SORBS3: variants seen among roughly 807,000 people sequenced by gnomAD.
SORBS3 encodes sorbin and SH3 domain containing 3.
A neutral mutation model predicts 98.0 loss-of-function variants in SORBS3; 69 were observed. The observed-to-expected ratio is 0.70, with a 90% CI of 0.58 to 0.86. The LOEUF (loss-of-function observed/expected upper bound fraction) is 0.86, where lower values mean the gene tolerates loss of function less well. SORBS3 is among the 40% of genes least tolerant of loss of function. SORBS3 has a pLI of 0.00. For synonymous variants in SORBS3, 394 were observed against 355.4 expected, an observed-to-expected ratio of 1.11 and a Z score of -1.22; for missense variants, 954 against 908.5, an observed-to-expected ratio of 1.05 and a Z score of -0.64.
At chr8:22,563,856 G>A in intron 7 of SORBS3, 131 bp from the exon 8 acceptor site, 1 of 686,726 alleles carries the variant, frequency 1.5e-6, no homozygotes, top group Non-Finnish European at 2.6e-6. Flanking sequence ...TGCTTCCAGA[G>A]TAACGGCAGG....
Position 22,561,412 on chromosome 8 carries a change from C to T in SORBS3, c.517+39C>T, listed in dbSNP as rs60534027. 7.5e-4 allele frequency: 1,211 copies of T among 1,609,994 alleles called. 10 individuals carry two copies. In the African/African-American group the frequency reaches 0.014, roughly 19 times the overall value. The stretch of plus-strand genomic sequence containing the variant: ...GGCCCACCTGCCTGCCATAGCCCTG[C>T]GCCTGCGTCCGCCCCTCCCTGGGGC... On this transcript the variant is annotated intron_variant, in intron 6 of 20. Transcript: ENST00000240123.
Position 22,564,907 on chromosome 8 carries a change from C to A in SORBS3, c.817-361C>A, listed in dbSNP as rs188708435. ...TCCGGTCCCTGGGGTGGCGGGGGAA[C>A]CTGGATGGGCACAGTGAAGCCAGGC... On this transcript the variant is annotated intron_variant, in intron 10 of 20. Transcript: ENST00000240123. The A allele has an allele frequency of 1.0e-5, 13 of 1,278,666 alleles. No individual in the cohort carries two copies. In the East Asian group the frequency reaches 2.3e-4, roughly 22 times the overall value. The allele number at this position is 1,278,666 out of a possible 1,614,324, so 79.2% of individuals were successfully genotyped here. A position where few individuals can be genotyped will look rare whatever the true frequency, so the allele number is the denominator to read the frequency against.
chr8:22,556,860 G>A lies in SORBS3; in HGVS notation c.366G>A (p.Glu122=), dbSNP rs765171927. The A allele has an allele frequency of 9.3e-6, 15 of 1,613,384 alleles. No homozygotes were observed. The African/African-American group carries it at 1.6e-4, about 17-fold the overall frequency. ...KRRDKRWVKY[E]GIGPVDESGM... is the part of the protein sequence containing the mutation. Reference sequence around the variant, plus strand: ...GGGACAAGCGCTGGGTCAAGTACGAGGGAATCGGGCCCGTGGACGAGAGCG... The same window carrying A: ...GGGACAAGCGCTGGGTCAAGTACGAAGGAATCGGGCCCGTGGACGAGAGCG... Residue 122 remains glutamate, a synonymous_variant, in exon 4 of 21, where the codon GAG becomes GAA. Coordinates refer to ENST00000240123, the MANE Select transcript of SORBS3 (RefSeq NM_005775.5).
At chr8:22,563,861 G>A (rs1840346765) in intron 7 of SORBS3, 126 bp from the exon 8 acceptor site, 1 of 702,238 alleles carries the variant, frequency 1.4e-6, no homozygotes, top group Non-Finnish European at 2.5e-6. Context: ...CCAGAGTAAC[G>A]GCAGGGCAGT....
intron 18 of SORBS3, 104 bp from the exon 19 acceptor site, chr8:22,571,606 AGGCGTGCT>A: frequency 1.3e-6 from 1 of 753,696 alleles, no homozygotes. Context: ...GCCGTTTGTA[AGGCGTGCT>A]GGCAGGTGGA....
intron 1 of SORBS3, 149 bp downstream of exon 1, chr8:22,552,171 C>G (rs1366334042): frequency 7.0e-6 from 5 of 714,922 alleles, no homozygotes; most frequent in Non-Finnish European, 8.6e-6. Context: ...CCAGAAAAAG[C>G]GAAATTCAAG....
chr8:22,564,705 T>G, intron 10 of SORBS3, 184 bp downstream of exon 10: 7 of 1,385,690 alleles, frequency 5.1e-6, no homozygotes, highest in African/African-American at 1.5e-5. Flanking sequence ...TCAGTAAACA[T>G]GTGTTAAATA....
rs778154392 is a variant in SORBS3 at position 22,566,496 on chromosome 8, G to C, written c.1090+12G>C. 166 of 1,611,624 alleles carry C rather than the reference G, an allele frequency of 1.0e-4. No homozygotes were observed. The highest frequency in any genetic ancestry group is 1.4e-4 in the Non-Finnish European group (164 of 1,178,676). The stretch of plus-strand genomic sequence containing the variant: ...TTCCTCAACCCGAGGTAAGGACCCA[G>C]CCCTGCTCTCTTTCTCACGGAGATG... On this transcript the variant is annotated intron_variant, in intron 13 of 20. Transcript: ENST00000240123.
chr8:22,565,785 C>T, intron 11 of SORBS3, 41 bp from the exon 12 acceptor site: 3 of 1,318,254 alleles, frequency 2.3e-6, no homozygotes, highest in East Asian at 3.2e-5. Flanking sequence ...GCCGCTGGGT[C>T]CCGGGGTCGC....
At chr8:22,567,385 G>A (rs1840454239) in intron 16 of SORBS3, among the ~76,000 whole-genome samples, 2 of 152,226 alleles carry the variant, frequency 1.3e-5, no homozygotes, top group African/African-American at 2.4e-5. Context: ...CCTAGCCCAG[G>A]GGAGGACCCA....
At position 22,554,597 on chromosome 8, in the gene SORBS3, C is replaced by T. The variant is rs750961338; in HGVS notation, c.91C>T (p.Arg31Trp). The part of the protein sequence containing the change: ...HLQSHIGSSS[R>W]GTRVPVIRNG... ...CCAGTCCCACATAGGGTCTTCCTCC[C>T]GGGGGACACGGGTGAGTGAGTCAGT... The change falls in exon 2 of 21, where the codon CGG becomes TGG. Residue 31 changes from arginine to tryptophan, a missense_variant. Coordinates refer to ENST00000240123, the MANE Select transcript of SORBS3 (RefSeq NM_005775.5). This position sits in a 1 kb window ranked among gnomAD's most constrained non-coding sequence, Gnocchi z 6.5. 2.0e-5 allele frequency: 32 copies of T among 1,611,968 alleles called. No individual in the cohort carries two copies. In the Admixed American group the frequency reaches 2.7e-4, roughly 13 times the overall value.
upstream of SORBS3, among the ~76,000 whole-genome samples, chr8:22,551,209 C>T (rs1413732618): frequency 6.6e-6 from 1 of 152,238 alleles, no homozygotes; most frequent in Non-Finnish European, 1.5e-5. The surrounding 1 kb of genome is among the most constrained non-coding windows in gnomAD (Gnocchi z 5.8). Flanking sequence ...CCTCCCTGTG[C>T]TTGCACGTGT....
At chr8:22,566,011 G>A (rs1840407386) in intron 12 of SORBS3, 139 bp downstream of exon 12, 1 of 622,522 alleles carries the variant, frequency 1.6e-6, no homozygotes. Flanking sequence ...GTGTCCGGGA[G>A]GGACCGCAGC....
chr8:22,552,564 G>A (rs1217463125), intron 1 of SORBS3, among the ~76,000 whole-genome samples: 2 of 152,134 alleles, frequency 1.3e-5, no homozygotes, highest in Non-Finnish European at 2.9e-5. Context: ...GCAGATGGGG[G>A]CACCAAGGGT....
intron 6 of SORBS3, 71 bp from the exon 7 acceptor site, chr8:22,561,794 G>A: frequency 7.4e-7 from 1 of 1,354,374 alleles, no homozygotes; most frequent in Non-Finnish European, 1.1e-6. Context: ...TAATCACCCA[G>A]GCACCCTCAG....
In SORBS3 at chr8:22,565,248, C is replaced by T. The variant is rs1014268086; in HGVS notation, c.817-20C>T. The T allele has an allele frequency of 6.5e-7, 1 of 1,547,576 alleles. No homozygotes were observed. The highest frequency in any genetic ancestry group is 8.7e-7 in the Non-Finnish European group (1 of 1,144,482). ...CCACGGTGCGCTGCCCCTCACTGCC[C>T]AGCCTCTCCCCGCCCCCAGGTGCTG... On this transcript the variant is annotated intron_variant, in intron 10 of 20. Transcript: ENST00000240123.
chr8:22,557,476 G>C (rs148600566), intron 4 of SORBS3, among the ~76,000 whole-genome samples: 23 of 152,216 alleles, frequency 1.5e-4, no homozygotes, highest in Admixed American at 1.2e-3. Flanking sequence ...GATGAAGCAG[G>C]TGATGTGAAA....
Position 22,574,853 on chromosome 8 carries a change from A to AC in SORBS3, c.*130dup. The AC allele has an allele frequency of 1.1e-6, 1 of 932,288 alleles. No individual in the cohort carries two copies. The highest frequency in any genetic ancestry group is 1.7e-6 in the Non-Finnish European group (1 of 575,162). 57.8% of individuals were successfully genotyped at this position (932,288 alleles called of 1,614,324 possible). A position where few individuals can be genotyped will look rare whatever the true frequency, so the allele number is the denominator to read the frequency against. ...CCTGAGCTCCCAGCATCTGCAGACG[A>AC]CCCCCGCAGCCTTTCCCTCGGACCC... On this transcript the variant is annotated 3_prime_UTR_variant, in exon 21 of 21. Transcript: ENST00000240123.
intron 10 of SORBS3, 83 bp from the exon 11 acceptor site, chr8:22,565,185 G>A: frequency 6.7e-7 from 1 of 1,491,574 alleles, no homozygotes; most frequent in Non-Finnish European, 9.1e-7. Flanking sequence ...CGCTGGCCTT[G>A]CTTTTCACAG....
Sources: gnomAD v4.1 joint callset for allele counts (sites outside exome capture counted in the v4.1 genomes callset) on GRCh38, gnomAD v4.1.1 for gene constraint, Gnocchi (gnomAD v3.1) non-coding constraint, MANE v1.5 for transcripts, NCBI Gene and HGNC (gene_info 2026-07-23, HGNC 2026-07-21) for gene names.